PCSK5: variants seen among roughly 807,000 people sequenced by gnomAD.
PCSK5 encodes prohormone convertase 5.
A neutral mutation model predicts 233.2 loss-of-function variants in PCSK5; 129 were observed. The ratio of observed to expected loss-of-function variants is 0.55; its 90% CI spans 0.48 to 0.64. PCSK5 has a LOEUF of 0.64. PCSK5 is among the 30% of genes least tolerant of loss of function. The pLI, the probability that PCSK5 is intolerant of heterozygous loss-of-function variation, is 0.00. For missense variants in PCSK5, 2,076 were observed against 2,430.1 expected (o/e 0.85, Z 3.06); for synonymous variants, 825 against 879.2 (o/e 0.94, Z 1.09).
chr9:76,147,379 G>A (rs4745511), intron 10 of PCSK5, among the ~76,000 whole-genome samples: 84,140 of 151,926 alleles, frequency 0.55, 23,594 homozygotes, highest in East Asian at 0.68. Flanking sequence ...CATGAGGGAA[G>A]GGGTATTTGA....
chr9:76,154,934 G>A lies in PCSK5; in HGVS notation c.1313-2111G>A, dbSNP rs189712042. Reference sequence around the variant, plus strand: ...TTTTAATTACCCCTCATGATGTTACGGAACTAAAACTAAATATTCAGAATT... The same window carrying A: ...TTTTAATTACCCCTCATGATGTTACAGAACTAAAACTAAATATTCAGAATT... On this transcript the variant is annotated intron_variant, in intron 10 of 37. Transcript: ENST00000674117. Among the ~76,000 whole-genome samples the A allele has an allele frequency of 1.3e-3, 196 of 152,014 alleles. 1 individual carries two copies. Among genetic ancestry groups the A allele is most frequent in the African/African-American group, 4.1e-3 (169 of 41,450 alleles).
At chr9:75,897,512 G>A (rs1460263177) in intron 1 of PCSK5, among the ~76,000 whole-genome samples, 12 of 85,866 alleles carry the variant, frequency 1.4e-4, no homozygotes, top group Non-Finnish European at 1.9e-4. Context: ...TTTTTTTCCC[G>A]AAACGGAGTC....
At chr9:76,222,499 C>A (rs1825759602) in intron 20 of PCSK5, among the ~76,000 whole-genome samples, 1 of 152,212 alleles carries the variant, frequency 6.6e-6, no homozygotes, top group East Asian at 1.9e-4. Context: ...ATTAAATAAC[C>A]CTTTCCCCCT....
At chr9:76,239,771 A>G (rs1375606076) in intron 23 of PCSK5, among the ~76,000 whole-genome samples, 2 of 152,002 alleles carry the variant, frequency 1.3e-5, no homozygotes, top group Non-Finnish European at 2.9e-5. Context: ...GGGATTGTGG[A>G]CAGGATATAG....
At chr9:76,056,130 C>T (rs1216863172) in intron 5 of PCSK5, among the ~76,000 whole-genome samples, 1 of 152,188 alleles carries the variant, frequency 6.6e-6, no homozygotes, top group Non-Finnish European at 1.5e-5. Flanking sequence ...AATCCGTGAA[C>T]ACCTGAAGAT....
At chr9:76,158,836 C>A (rs762546265) in intron 11 of PCSK5, 147 bp from the exon 12 acceptor site, 1 of 655,302 alleles carries the variant, frequency 1.5e-6, no homozygotes, top group African/African-American at 1.8e-5. Flanking sequence ...CTTTCAGTGA[C>A]CCAGTTATTT....
At chr9:76,193,502 T>TGCAGGGAGATG in intron 20 of PCSK5, 1 of 600,570 alleles carries the variant, frequency 1.7e-6, no homozygotes. Context: ...CTCAAGTTTG[T>TGCAGGGAGATG]GCAGGGAGAT....
At chr9:75,892,177 G>A (rs2131175327) in intron 1 of PCSK5, among the ~76,000 whole-genome samples, 1 of 152,324 alleles carries the variant, frequency 6.6e-6, no homozygotes, top group East Asian at 1.9e-4. Context: ...CAGCAGGGGC[G>A]CGGGGTTTTT....
In PCSK5 at chr9:76,099,790, G is replaced by T. The variant is rs982618698; in HGVS notation, c.1107+3688G>T. On this transcript the variant is annotated intron_variant, in intron 8 of 37. Coordinates refer to ENST00000674117, the MANE Select transcript of PCSK5 (RefSeq NM_001372043.1). ...TGGCATATGTGATTGAGTGCTACAG[G>T]AATGGCAGTGCCTGTCTTTGTACTA... is the stretch of plus-strand genomic sequence containing the variant. 3.3e-5 allele frequency among the ~76,000 whole-genome samples: 5 copies of T among 152,138 alleles called. No individual in the cohort carries two copies. In the South Asian group the frequency reaches 8.3e-4, roughly 25 times the overall value.
chr9:76,321,303 C>T (rs1829192965), intron 30 of PCSK5, 119 bp from the exon 31 acceptor site: 3 of 630,316 alleles, frequency 4.8e-6, no homozygotes, highest in Non-Finnish European at 8.5e-6. Flanking sequence ...CCCATGGATG[C>T]CTCTCAGCTG....
chr9:75,976,718 A>G (rs1284112994), intron 2 of PCSK5, among the ~76,000 whole-genome samples: 2 of 151,022 alleles, frequency 1.3e-5, no homozygotes, highest in Non-Finnish European at 3.0e-5. Context: ...ACTTTATTCA[A>G]TATTTATGTT....
intron 20 of PCSK5, among the ~76,000 whole-genome samples, chr9:76,208,808 C>T (rs1825219325): frequency 6.6e-6 from 1 of 152,104 alleles, no homozygotes; most frequent in Non-Finnish European, 1.5e-5. Context: ...GATGGTTTTG[C>T]TGAGAAGTGG....
intron 11 of PCSK5, among the ~76,000 whole-genome samples, chr9:76,157,410 T>C (rs1822636535): frequency 6.6e-6 from 1 of 152,128 alleles, no homozygotes. Context: ...ACCCCTGGGC[T>C]CTTGAAAGTT....
At chr9:76,284,056 G>A (rs1312433943) in intron 24 of PCSK5, among the ~76,000 whole-genome samples, 1 of 152,014 alleles carries the variant, frequency 6.6e-6, no homozygotes. Flanking sequence ...CATTTGGTTA[G>A]GTGTGGCCTG....
intron 9 of PCSK5, among the ~76,000 whole-genome samples, chr9:76,108,612 G>T (rs926239862): frequency 6.6e-6 from 1 of 152,174 alleles, no homozygotes; most frequent in South Asian, 2.1e-4. Flanking sequence ...AATTAGTTCG[G>T]TGTGGTGGTG....
intron 2 of PCSK5, among the ~76,000 whole-genome samples, chr9:75,967,632 T>C (rs1563943879): frequency 6.6e-6 from 1 of 152,206 alleles, no homozygotes; most frequent in African/African-American, 2.4e-5. Flanking sequence ...TGCTAAAGCT[T>C]TCAAAAGGTT....
chr9:76,125,310 G>A (rs1164848112), intron 9 of PCSK5, among the ~76,000 whole-genome samples: 5 of 152,050 alleles, frequency 3.3e-5, no homozygotes, highest in African/African-American at 9.7e-5. Flanking sequence ...GACAAAACTA[G>A]AGGCTGAACG....
intron 35 of PCSK5, among the ~76,000 whole-genome samples, chr9:76,345,876 C>A (rs1405126872): frequency 6.6e-6 from 1 of 152,084 alleles, no homozygotes. Context: ...TGTGCCACCA[C>A]GCCTGGCTAA....
intron 24 of PCSK5, among the ~76,000 whole-genome samples, chr9:76,288,688 T>G (rs1293505504): frequency 6.6e-6 from 1 of 152,184 alleles, no homozygotes; most frequent in African/African-American, 2.4e-5. Flanking sequence ...ATTTTATTTC[T>G]CACAGAGCAG....
Sources: gnomAD v4.1 joint callset for allele counts (sites outside exome capture counted in the v4.1 genomes callset) on GRCh38, gnomAD v4.1.1 for gene constraint, MANE v1.5 for transcripts, NCBI Gene and HGNC (gene_info 2026-07-23, HGNC 2026-07-21) for gene names.